Variants in ATP10B observed in about 807,000 individuals in gnomAD.
The protein encoded by ATP10B is ATPase phospholipid transporting 10B (putative).
In ATP10B, 122 loss-of-function variants were observed where a neutral mutation model predicts 141.2. That is an observed-to-expected ratio of 0.86 (90% CI 0.75 to 1.00). The LOEUF is 1.00. Among genes scored for constraint, ATP10B ranks in the 50% least tolerant of loss-of-function variants. ATP10B has a pLI of 0.00. For synonymous variants in ATP10B, 685 were observed against 692.0 expected (o/e 0.99, Z 0.16); for missense variants, 1,876 against 1,825.3 (o/e 1.03, Z -0.51).
intron 2 of ATP10B, among the ~76,000 whole-genome samples, chr5:160,730,614 A>G (rs1257731828): frequency 6.6e-6 from 1 of 152,046 alleles, no homozygotes; most frequent in Non-Finnish European, 1.5e-5. Flanking sequence ...TTTCTTTTGC[A>G]TGTGCACACT....
intron 2 of ATP10B, among the ~76,000 whole-genome samples, chr5:160,749,042 C>G (rs745950409): frequency 9.9e-5 from 15 of 152,158 alleles, no homozygotes; most frequent in Non-Finnish European, 2.1e-4. Flanking sequence ...ACACCACAAC[C>G]TAGTAAATGT....
intron 7 of ATP10B, among the ~76,000 whole-genome samples, chr5:160,664,040 T>G (rs1185278424): frequency 6.6e-6 from 1 of 152,232 alleles, no homozygotes; most frequent in South Asian, 2.1e-4. Context: ...TAATCTCTTC[T>G]TGATATTTTA....
chr5:160,927,044 GTTA>G, the ATP10B span, among the ~76,000 whole-genome samples: 3 of 152,132 alleles, frequency 2.0e-5, no homozygotes, highest in African/African-American at 7.2e-5. Context: ...GAGAACAGTA[GTTA>G]TTATTCCATT....
chr5:160,590,830 T>C (rs760932728), intron 23 of ATP10B, among the ~76,000 whole-genome samples: 1 of 152,088 alleles, frequency 6.6e-6, no homozygotes, highest in African/African-American at 2.4e-5. Context: ...AGGGAAAAAA[T>C]GACCCAGTAT....
At chr5:160,672,123 C>T (rs1242775743) in intron 6 of ATP10B, among the ~76,000 whole-genome samples, 1 of 151,738 alleles carries the variant, frequency 6.6e-6, no homozygotes, top group Non-Finnish European at 1.5e-5. Flanking sequence ...ATTATAGGCG[C>T]CTGCCACCAT....
At chr5:160,751,305 T>C (rs149558020) in intron 2 of ATP10B, among the ~76,000 whole-genome samples, 115 of 152,306 alleles carry the variant, frequency 7.6e-4, no homozygotes, top group African/African-American at 2.7e-3. Context: ...CTCTCTCTCA[T>C]GTTCTCCTTT....
Position 160,569,656 on chromosome 5 carries a change from CGAG to C in ATP10B, c.3775_3777del (p.Leu1259del). 1 of 1,591,962 alleles carries C rather than the reference CGAG, an allele frequency of 6.3e-7. No individual in the cohort carries two copies. Among genetic ancestry groups the C allele is most frequent in the Non-Finnish European group, 8.5e-7 (1 of 1,169,692 alleles). On this transcript the variant is annotated inframe_deletion, in exon 25 of 26. Transcript: ENST00000327245. The stretch of plus-strand genomic sequence containing the variant: ...ACCAGAAAGTACATCAGGAAGCTGC[CGAG>C]GAGCACGACTCCGTGGAAAATGGTC...
chr5:160,581,574 T>C (rs1755556206), intron 24 of ATP10B, among the ~76,000 whole-genome samples: 1 of 152,200 alleles, frequency 6.6e-6, no homozygotes, highest in East Asian at 1.9e-4. Flanking sequence ...TCCAATTATG[T>C]GGTCAATTTT....
At chr5:160,664,418 G>A (rs757795724) in intron 7 of ATP10B, among the ~76,000 whole-genome samples, 10 of 152,128 alleles carry the variant, frequency 6.6e-5, no homozygotes, top group Non-Finnish European at 1.2e-4. Flanking sequence ...GCAGCTATTC[G>A]TAATTGAGCA....
the ATP10B span, among the ~76,000 whole-genome samples, chr5:160,913,028 A>T: frequency 6.6e-6 from 1 of 152,242 alleles, no homozygotes; most frequent in Admixed American, 6.5e-5. Context: ...CTCATATAAC[A>T]GTCATTCTGA....
At chr5:160,634,017 G>T in intron 12 of ATP10B, 1 of 395,700 alleles carries the variant, frequency 2.5e-6, no homozygotes. Flanking sequence ...AGCCTTGGTT[G>T]TGTGACTGGC....
At chr5:160,652,950 ATAT>A (rs1290298379) in intron 7 of ATP10B, among the ~76,000 whole-genome samples, 1 of 92,412 alleles carries the variant, frequency 1.1e-5, no homozygotes, top group Non-Finnish European at 1.8e-5. Context: ...TATATATAAT[ATAT>A]TATATATACA....
chr5:160,839,926 A>G (rs757761917), intron 1 of ATP10B, among the ~76,000 whole-genome samples: 1 of 152,132 alleles, frequency 6.6e-6, no homozygotes, highest in South Asian at 2.1e-4. Flanking sequence ...GAATGAAGCT[A>G]TAACAAAACT....
Position 160,620,345 on chromosome 5 carries a change from A to G in ATP10B, c.2416+2T>C. On this transcript the variant is annotated splice_donor_variant, in intron 15 of 25. Coordinates refer to ENST00000327245, the MANE Select transcript of ATP10B (RefSeq NM_025153.3). LOFTEE classifies it high-confidence loss of function. ...CTGGAACCCTGGTAAGGCAGGACTCACCGCAGGCTGGGTCTTCCAGCAGGT... is the reference window on the plus strand; with the variant it reads ...CTGGAACCCTGGTAAGGCAGGACTCGCCGCAGGCTGGGTCTTCCAGCAGGT... The G allele has an allele frequency of 6.2e-7, 1 of 1,604,230 alleles. No individual in the cohort carries two copies. The highest frequency in any genetic ancestry group is 8.5e-7 in the Non-Finnish European group (1 of 1,174,518).
intron 1 of ATP10B, among the ~76,000 whole-genome samples, chr5:160,803,724 C>T (rs189436580): frequency 1.8e-3 from 270 of 152,212 alleles, no homozygotes; most frequent in African/African-American, 6.2e-3. Context: ...GGTCACATAG[C>T]TTGTACTTGG....
At chr5:160,801,651 A>C (rs781097324) in intron 1 of ATP10B, among the ~76,000 whole-genome samples, 1 of 152,286 alleles carries the variant, frequency 6.6e-6, no homozygotes, top group Non-Finnish European at 1.5e-5. Context: ...TTCTCCCCCA[A>C]ATCAGGTATC....
At chr5:160,790,603 T>C (rs1431079318) in intron 1 of ATP10B, among the ~76,000 whole-genome samples, 2 of 152,110 alleles carry the variant, frequency 1.3e-5, no homozygotes, top group African/African-American at 4.8e-5. Flanking sequence ...TATATATAAG[T>C]ATCAAGGAGA....
At position 160,620,761 on chromosome 5, in the gene ATP10B, C is replaced by G; in HGVS notation, c.2002G>C (p.Val668Leu). Residue 668 changes from valine to leucine, a missense_variant, in exon 15 of 26, where the codon GTG becomes CTG. By Grantham distance (32) the Val-to-Leu change is conservative. Transcript: ENST00000327245. ...TDSDERDDAS[V>L]CSGGDSTDDG... ...TCAGTGGAGTCACCTCCACTGCACA[C>G]AGATGCATCATCTCTCTCATCCGAG... 1 of 1,614,222 alleles carries G rather than the reference C, an allele frequency of 6.2e-7. No homozygotes were observed. The highest frequency in any genetic ancestry group is 8.5e-7 in the Non-Finnish European group (1 of 1,180,030).
chr5:160,801,441 C>T (rs1772364124), intron 1 of ATP10B, among the ~76,000 whole-genome samples: 1 of 152,134 alleles, frequency 6.6e-6, no homozygotes, highest in Admixed American at 6.6e-5. Context: ...CTTTGCAGCT[C>T]TTACTACAAA....
Sources: allele counts gnomAD v4.1 joint callset (sites outside exome capture counted in the v4.1 genomes callset), GRCh38; gene constraint gnomAD v4.1.1; transcripts MANE v1.5; gene names NCBI Gene and HGNC (gene_info 2026-07-23, HGNC 2026-07-21).